Variants in ADCY8 observed in about 807,000 individuals in gnomAD.
ADCY8 encodes adenylate cyclase 8.
In ADCY8, 51 loss-of-function variants were observed where a neutral mutation model predicts 119.7. The ratio of observed to expected loss-of-function variants is 0.43; its 90% CI spans 0.34 to 0.54. The LOEUF is 0.54. ADCY8 is among the 20% of genes least tolerant of loss of function. ADCY8 has a pLI of 0.03. For synonymous variants in ADCY8, 665 were observed against 651.0 expected (o/e 1.02, Z -0.33); for missense variants, 1,383 against 1,598.8 (o/e 0.87, Z 2.30).
chr8:130,901,119 G>C (rs918147561), intron 7 of ADCY8, among the ~76,000 whole-genome samples: 3 of 152,098 alleles, frequency 2.0e-5, no homozygotes, highest in Non-Finnish European at 4.4e-5. Context: ...TGATTTGCCA[G>C]GTATTGTTCT....
intron 9 of ADCY8, among the ~76,000 whole-genome samples, chr8:130,865,056 A>AGTGTATTAGATTCCCCTC (rs1380152240): frequency 2.0e-5 from 3 of 152,236 alleles, no homozygotes; most frequent in Admixed American, 6.5e-5. Flanking sequence ...AAATTCCTCT[A>AGTGTATTAGATTCCCCTC]GTGTATTAGT....
At chr8:130,866,072 A>T (rs2130383883) in intron 9 of ADCY8, among the ~76,000 whole-genome samples, 1 of 152,028 alleles carries the variant, frequency 6.6e-6, no homozygotes, top group East Asian at 1.9e-4. Context: ...TATCACACAG[A>T]TTTTGGGGCT....
intron 3 of ADCY8, among the ~76,000 whole-genome samples, chr8:130,945,619 C>A (rs191472188): frequency 6.6e-6 from 1 of 152,168 alleles, no homozygotes; most frequent in East Asian, 1.9e-4. Context: ...AACGTGTTAG[C>A]TTTTGTTATC....
At chr8:131,031,759 C>T (rs1824004139) in intron 1 of ADCY8, among the ~76,000 whole-genome samples, 1 of 152,064 alleles carries the variant, frequency 6.6e-6, no homozygotes, top group African/African-American at 2.4e-5. Flanking sequence ...GTCTCCAAAA[C>T]CAGAAGCCAA....
Position 130,903,802 on chromosome 8 carries a change from C to A in ADCY8, c.1881G>T (p.Leu627=), listed in dbSNP as rs373131165. ...GTTTCCCCACGATATTATCAAAGGG[C>A]AGTTCAGGGCTCCAGGATCCTTCAG... ...TFTEGSWSPE[L]PFDNIVGKQN... Residue 627 remains leucine, a synonymous_variant, in exon 7 of 18, where the codon CTG becomes CTT. Transcript: ENST00000286355. 5.6e-6 allele frequency: 9 copies of A among 1,612,892 alleles called. No individual in the cohort carries two copies. The African/African-American group carries it at 1.2e-4, about 22-fold the overall frequency.
At chr8:130,923,230 G>A (rs1040825550) in intron 5 of ADCY8, among the ~76,000 whole-genome samples, 1 of 151,342 alleles carries the variant, frequency 6.6e-6, no homozygotes, top group Non-Finnish European at 1.5e-5. Flanking sequence ...AGAGAGAAAA[G>A]AAAAGAGGGA....
intron 11 of ADCY8, among the ~76,000 whole-genome samples, chr8:130,841,831 A>G (rs537497408): frequency 1.2e-3 from 179 of 152,350 alleles, no homozygotes; most frequent in African/African-American, 4.1e-3. Flanking sequence ...ATTGCTTTAC[A>G]CAAAATCTGA....
chr8:131,026,775 T>G (rs1471467724), intron 1 of ADCY8, among the ~76,000 whole-genome samples: 2 of 152,218 alleles, frequency 1.3e-5, no homozygotes, highest in Non-Finnish European at 2.9e-5. Flanking sequence ...AAAGGGTGAT[T>G]GTTTTAAAAC....
At chr8:130,816,053 G>A (rs532824791) in intron 13 of ADCY8, among the ~76,000 whole-genome samples, 4 of 152,282 alleles carry the variant, frequency 2.6e-5, no homozygotes, top group African/African-American at 9.6e-5. Context: ...AACACATGGT[G>A]AGCTGCCCTG....
chr8:130,926,695 T>C (rs1017077442), intron 5 of ADCY8, among the ~76,000 whole-genome samples: 8 of 152,132 alleles, frequency 5.3e-5, no homozygotes, highest in Non-Finnish European at 8.8e-5. Flanking sequence ...TTATTTCTCC[T>C]ATCTAATTGA....
intron 12 of ADCY8, among the ~76,000 whole-genome samples, chr8:130,825,325 C>T (rs146143017): frequency 2.9e-4 from 44 of 152,252 alleles, no homozygotes; most frequent in African/African-American, 1.0e-3. Context: ...ATTAACCAAC[C>T]CCTCTCTGTA....
At chr8:130,924,662 C>G (rs1395777327) in intron 5 of ADCY8, among the ~76,000 whole-genome samples, 1 of 152,252 alleles carries the variant, frequency 6.6e-6, no homozygotes, top group East Asian at 1.9e-4. Flanking sequence ...CTCCAATTTT[C>G]TCATTGGTAA....
chr8:131,001,718 T>C (rs1410219945), intron 1 of ADCY8, among the ~76,000 whole-genome samples: 1 of 151,684 alleles, frequency 6.6e-6, no homozygotes, highest in East Asian at 1.9e-4. Context: ...AGGCCATCTA[T>C]TTTTCCAAAG....
At chr8:131,006,156 CT>C (rs1383920444) in intron 1 of ADCY8, among the ~76,000 whole-genome samples, 1 of 152,174 alleles carries the variant, frequency 6.6e-6, no homozygotes, top group African/African-American at 2.4e-5. Flanking sequence ...GGCTGTCCCC[CT>C]CTCACATTTC....
chr8:130,866,053 A>G (rs1365704099), intron 9 of ADCY8, among the ~76,000 whole-genome samples: 2 of 152,020 alleles, frequency 1.3e-5, no homozygotes, highest in Non-Finnish European at 2.9e-5. Flanking sequence ...TCTCCCATAC[A>G]GGTACTGATA....
chr8:130,792,460 G>A (rs1815452897), intron 15 of ADCY8, among the ~76,000 whole-genome samples: 1 of 152,148 alleles, frequency 6.6e-6, no homozygotes, highest in South Asian at 2.1e-4. Flanking sequence ...TTGCTTACAT[G>A]ATGTCTTCAT....
At chr8:130,811,131 G>C (rs1245607904) in intron 14 of ADCY8, among the ~76,000 whole-genome samples, 2 of 152,120 alleles carry the variant, frequency 1.3e-5, no homozygotes, top group Non-Finnish European at 2.9e-5. Context: ...CCAGTTTCAG[G>C]GAACTCCATC....
At chr8:130,816,762 A>G (rs1816360255) in intron 13 of ADCY8, among the ~76,000 whole-genome samples, 1 of 151,990 alleles carries the variant, frequency 6.6e-6, no homozygotes, top group Non-Finnish European at 1.5e-5. Context: ...CATATAAACC[A>G]TTTTACATTT....
intron 5 of ADCY8, among the ~76,000 whole-genome samples, chr8:130,916,112 G>A (rs552835512): frequency 2.6e-5 from 4 of 152,258 alleles, no homozygotes; most frequent in Non-Finnish European, 4.4e-5. Flanking sequence ...ATTGCTTTAC[G>A]TCACACAGTT....
Sources: gnomAD v4.1 joint callset for allele counts (sites outside exome capture counted in the v4.1 genomes callset) on GRCh38, gnomAD v4.1.1 for gene constraint, MANE v1.5 for transcripts, NCBI Gene and HGNC (gene_info 2026-07-23, HGNC 2026-07-21) for gene names.